Variants in IKBKB observed in about 807,000 individuals in gnomAD.
The protein encoded by IKBKB is inhibitor of nuclear factor kappa-B kinase subunit beta.
In IKBKB, 42 loss-of-function variants were observed where a neutral mutation model predicts 113.6. The ratio of observed to expected loss-of-function variants is 0.37; its 90% CI spans 0.29 to 0.48. The LOEUF (loss-of-function observed/expected upper bound fraction) is 0.48, where lower values mean the gene tolerates loss of function less well. Among genes scored for constraint, IKBKB ranks in the 20% least tolerant of loss-of-function variants. The pLI, the probability that IKBKB is intolerant of heterozygous loss-of-function variation, is 0.99. For synonymous variants in IKBKB, 296 were observed against 361.3 expected, an observed-to-expected ratio of 0.82 and a Z score of 2.05; for missense variants, 673 against 939.7, an observed-to-expected ratio of 0.72 and a Z score of 3.71.
chr8:42,284,526 G>A (rs954934381), intron 2 of IKBKB, among the ~76,000 whole-genome samples: 10 of 151,208 alleles, frequency 6.6e-5, no homozygotes, highest in African/African-American at 9.7e-5. Context: ...AGCTTGCAGT[G>A]AGCCGAGGTC....
chr8:42,310,770 T>C (rs1046906349), intron 8 of IKBKB, among the ~76,000 whole-genome samples: 2 of 152,244 alleles, frequency 1.3e-5, no homozygotes, highest in African/African-American at 4.8e-5. Flanking sequence ...TTCAGCGTTA[T>C]ATTTTTGTAC....
chr8:42,305,172 C>G lies in IKBKB; in HGVS notation c.389-15C>G. ...TTTTTTAGGCCTAAGAAAAACTCAC[C>G]CCCCTCTTCCTCAGCCTCTGCGCTT... On this transcript the variant is annotated splice_polypyrimidine_tract_variant and intron_variant, in intron 5 of 21. Coordinates refer to ENST00000520810, the MANE Select transcript of IKBKB (RefSeq NM_001556.3). The G allele has an allele frequency of 3.1e-6, 5 of 1,595,916 alleles. No homozygotes were observed. The highest frequency in any genetic ancestry group is 4.3e-6 in the Non-Finnish European group (5 of 1,163,964).
intron 2 of IKBKB, among the ~76,000 whole-genome samples, chr8:42,277,978 A>G (rs1704555880): frequency 6.6e-6 from 1 of 152,270 alleles, no homozygotes; most frequent in Admixed American, 6.5e-5. Context: ...GGAGAAGGGA[A>G]GGAGCCATTA....
chr8:42,284,868 T>G (rs1811100188), intron 2 of IKBKB, among the ~76,000 whole-genome samples: 1 of 146,614 alleles, frequency 6.8e-6, no homozygotes, highest in East Asian at 2.0e-4. Context: ...TTTTTTTTTT[T>G]TTTTTTGAGA....
At chr8:42,321,793 G>T in intron 16 of IKBKB, 103 bp from the exon 17 acceptor site, 1 of 786,694 alleles carries the variant, frequency 1.3e-6, no homozygotes, top group South Asian at 1.9e-5. Context: ...AGAAGTTCGA[G>T]ACCAGCCTGG....
intron 5 of IKBKB, among the ~76,000 whole-genome samples, chr8:42,304,054 A>C (rs1815992398): frequency 6.6e-6 from 1 of 152,012 alleles, no homozygotes; most frequent in African/African-American, 2.4e-5. Flanking sequence ...GGTGTTTTGG[A>C]GTTTTTGTTG....
Position 42,319,437 on chromosome 8 carries a change from G to C in IKBKB, c.1516+16G>C, listed in dbSNP as rs1254454619. 6.2e-7 allele frequency: 1 copy of C among 1,613,888 alleles called. No individual in the cohort carries two copies. The highest frequency in any genetic ancestry group is 1.7e-5 in the Admixed American group (1 of 60,000). ...TTTGGGATCAGTGAGTGTGCACTTT[G>C]CAATGAGTTTAAAGACACCATTTTT... On this transcript the variant is annotated intron_variant, in intron 14 of 21. Transcript: ENST00000520810.
chr8:42,279,715 G>GTGC (rs1251153703), intron 2 of IKBKB, among the ~76,000 whole-genome samples: 1 of 152,192 alleles, frequency 6.6e-6, no homozygotes, highest in Non-Finnish European at 1.5e-5. Flanking sequence ...CCAACCTCAT[G>GTGC]CTTTTTCCAT....
At chr8:42,295,435 T>C (rs1007202267) in intron 5 of IKBKB, among the ~76,000 whole-genome samples, 4 of 152,230 alleles carry the variant, frequency 2.6e-5, no homozygotes, top group Admixed American at 6.5e-5. Context: ...CTTTAAATTA[T>C]TGGCACAAGT....
In IKBKB at chr8:42,288,635, A is replaced by G. The variant is rs750775522; in HGVS notation, c.107A>G (p.Glu36Gly). 6 of 1,608,782 alleles carry G rather than the reference A, an allele frequency of 3.7e-6. No individual in the cohort carries two copies. The African/African-American group carries it at 8.0e-5, about 22-fold the overall frequency. The change falls in exon 3 of 22, where the codon GAA becomes GGA. Residue 36 changes from glutamate to glycine, a missense_variant and splice_region_variant. Transcript: ENST00000520810. ...GTCCCCACTGTGCTGTTTCTGTAGG[A>G]AACAGGTGAGCAGATTGCCATCAAG... ...FGNVIRWHNQ[E>G]TGEQIAIKQC... is the part of the protein sequence containing the mutation.
intron 8 of IKBKB, 59 bp downstream of exon 8, chr8:42,309,084 C>T (rs1041185044): frequency 3.0e-5 from 47 of 1,549,106 alleles, no homozygotes; most frequent in African/African-American, 2.5e-4. Flanking sequence ...TTTCTCTTCA[C>T]GTACCCTGTT....
chr8:42,318,680 C>A lies in IKBKB; in HGVS notation c.1364+5C>A, dbSNP rs752596848. On this transcript the variant is annotated splice_donor_5th_base_variant and intron_variant, in intron 13 of 21. Transcript: ENST00000520810. ...GCAGGGACAGCGAGCCGCCATGTAG[C>A]GTGCCAGGCTTTTTTTTTAAACTTA... is the stretch of plus-strand genomic sequence containing the variant. The A allele has an allele frequency of 1.3e-6, 2 of 1,582,130 alleles. No individual in the cohort carries two copies. The highest frequency in any genetic ancestry group is 1.7e-6 in the Non-Finnish European group (2 of 1,165,808).
chr8:42,325,227 G>A, intron 19 of IKBKB: 1 of 985,658 alleles, frequency 1.0e-6, no homozygotes, highest in Non-Finnish European at 1.2e-6. Context: ...TGACCCTTCG[G>A]GCTGGGAGGG....
At position 42,318,622 on chromosome 8, in the gene IKBKB, C is replaced by G; in HGVS notation, c.1311C>G (p.Ile437Met). ...TGTGGGGCCAGGTCTGGCACAGCAT[C>G]CAGACCCTGAAGGAAGATTGCAACC... ...RKVWGQVWHS[I>M]QTLKEDCNRL... The change falls in exon 13 of 22, where the codon ATC (isoleucine) becomes ATG (methionine). Residue 437 changes from isoleucine (I) to methionine (M), a missense_variant. By Grantham distance (10) the Ile-to-Met change is conservative. This residue lies in a region of IKBKB where 506 missense variants were observed against 638.7 expected (regional missense o/e 0.79). Coordinates refer to ENST00000520810, the MANE Select transcript of IKBKB (RefSeq NM_001556.3). The G allele has an allele frequency of 6.2e-7, 1 of 1,614,008 alleles. No individual in the cohort carries two copies. Among genetic ancestry groups the G allele is most frequent in the Non-Finnish European group, 8.5e-7 (1 of 1,179,860 alleles).
intron 5 of IKBKB, among the ~76,000 whole-genome samples, chr8:42,301,626 T>A (rs2130471519): frequency 6.6e-6 from 1 of 152,342 alleles, no homozygotes; most frequent in Middle Eastern, 3.4e-3. Flanking sequence ...GACAGAGGTA[T>A]TGAAGAATAG....
At chr8:42,272,248 C>A (rs759102113) in intron 2 of IKBKB, 43 bp downstream of exon 2, 16 of 1,613,310 alleles carry the variant, frequency 9.9e-6, no homozygotes, top group Middle Eastern at 1.6e-4. Flanking sequence ...GGAGCCAGGC[C>A]CCCTCCTCAC....
At chr8:42,292,873 G>A (rs529963912) in intron 4 of IKBKB, among the ~76,000 whole-genome samples, 3 of 152,172 alleles carry the variant, frequency 2.0e-5, no homozygotes, top group Non-Finnish European at 2.9e-5. Flanking sequence ...CCTCCAACAC[G>A]GGGATTCCAC....
At chr8:42,309,446 AT>A in intron 8 of IKBKB, 3 of 388,662 alleles carry the variant, frequency 7.7e-6, no homozygotes, top group Non-Finnish European at 1.0e-5. Context: ...CTGAATATAA[AT>A]TTTTGTTTTT....
intron 7 of IKBKB, among the ~76,000 whole-genome samples, chr8:42,307,769 A>G (rs1438565944): frequency 6.6e-6 from 1 of 152,162 alleles, no homozygotes. Flanking sequence ...GAGCTGAGTC[A>G]AGTCATGTAC....
Sources: gnomAD v4.1 joint callset for allele counts (sites outside exome capture counted in the v4.1 genomes callset) on GRCh38, gnomAD v4.1.1 for gene constraint, gnomAD v4.1.1 regional missense constraint, MANE v1.5 for transcripts, NCBI Gene and HGNC (gene_info 2026-07-23, HGNC 2026-07-21) for gene names.